TSPO: variants seen among roughly 807,000 people sequenced by gnomAD.
TSPO encodes translocator protein, also known as benzodiazepine peripheral binding site.
TSPO carries 14 observed loss-of-function variants against 13.9 expected under a neutral mutation model. The ratio of observed to expected loss-of-function variants is 1.01; its 90% CI spans 0.67 to 1.58. The LOEUF is 1.58. TSPO is among the 40% of genes most tolerant of loss of function. TSPO has a pLI of 0.00. For missense variants in TSPO, 232 were observed against 229.6 expected, an observed-to-expected ratio of 1.01 and a Z score of -0.07; for synonymous variants, 114 against 105.9, an observed-to-expected ratio of 1.08 and a Z score of -0.47.
At position 43,163,086 on chromosome 22, in the gene TSPO, A is replaced by G. The variant is rs1032722484; in HGVS notation, c.*95A>G. 7.2e-6 allele frequency: 11 copies of G among 1,536,392 alleles called. No individual in the cohort carries two copies. Among genetic ancestry groups the G allele is most frequent in the Non-Finnish European group, 9.6e-6 (11 of 1,140,866 alleles). On this transcript the variant is annotated 3_prime_UTR_variant, in exon 4 of 4. Coordinates refer to ENST00000337554, the MANE Select transcript of TSPO (RefSeq NM_000714.6). ...CGCTTTCATGACCACTGGGCCTGCTAGTCTGTCAGGGCCTTGGCCCAGGGG... is the reference window on the plus strand; with the variant it reads ...CGCTTTCATGACCACTGGGCCTGCTGGTCTGTCAGGGCCTTGGCCCAGGGG...
At position 43,155,680 on chromosome 22, in the gene TSPO, C is replaced by T. The variant is rs149583181; in HGVS notation, c.-29-3530C>T. On this transcript the variant is annotated intron_variant, in intron 1 of 3. Coordinates refer to ENST00000337554, the MANE Select transcript of TSPO (RefSeq NM_000714.6). ...CCAGCCCCCCAAGAAGCAGACACAG[C>T]GGGTTTACCCACCTGACGTTGGAGG... 1.4e-4 allele frequency among the ~76,000 whole-genome samples: 21 copies of T among 152,294 alleles called. 1 individual carries two copies. Among genetic ancestry groups the T allele is most frequent in the East Asian group, 9.7e-4 (5 of 5,172 alleles).
chr22:43,159,272 A>T lies in TSPO; in HGVS notation c.34A>T (p.Thr12Ser). The T allele has an allele frequency of 6.4e-7, 1 of 1,558,944 alleles. No individual in the cohort carries two copies. The highest frequency in any genetic ancestry group is 8.7e-7 in the Non-Finnish European group (1 of 1,152,130). ...GCCCTGGGTGCCCGCCATGGGCTTC[A>T]CGCTGGCGCCCAGCCTGGGGTGCTT... is the stretch of plus-strand genomic sequence containing the variant. Reference protein sequence around the residue: ...APPWVPAMGFTLAPSLGCFVG... With the variant: ...APPWVPAMGFSLAPSLGCFVG... Residue 12 changes from threonine (T) to serine (S), a missense_variant, in exon 2 of 4, where the codon ACG (threonine) becomes TCG (serine). Transcript: ENST00000337554.
At chr22:43,160,064 C>G (rs553285312) in intron 2 of TSPO, among the ~76,000 whole-genome samples, 2 of 152,176 alleles carry the variant, frequency 1.3e-5, no homozygotes, top group African/African-American at 4.8e-5. Context: ...AGGGTGGGGA[C>G]GCAGGTGCCA....
Position 43,163,237 on chromosome 22 carries a change from CCTTT to C in TSPO, c.*247_*250del, listed in dbSNP as rs1569481343. 4.8e-6 allele frequency: 6 copies of C among 1,253,860 alleles called. No homozygotes were observed. The highest frequency in any genetic ancestry group is 2.9e-4 in the Middle Eastern group (1 of 3,442). The allele number at this position is 1,253,860 out of a possible 1,614,324, so 77.7% of individuals were successfully genotyped here. A position where few individuals can be genotyped will look rare whatever the true frequency, so the allele number is the denominator to read the frequency against. On this transcript the variant is annotated 3_prime_UTR_variant, in exon 4 of 4. Transcript: ENST00000337554. Reference sequence around the variant, plus strand: ...ATAAGCTGAATAAAGTTTTTGACTTCCTTTACCATGGCCTTTTTGCTTGGGTGGG... The same window carrying C: ...ATAAGCTGAATAAAGTTTTTGACTTCACCATGGCCTTTTTGCTTGGGTGGG...
chr22:43,160,962 C>T (rs1601759287), intron 2 of TSPO, 90 bp from the exon 3 acceptor site: 1 of 1,470,172 alleles, frequency 6.8e-7, no homozygotes, highest in Non-Finnish European at 9.2e-7. Context: ...AGTGTCAGGT[C>T]ACGTATGAAC....
chr22:43,162,658 G>GAA (rs1204010381), intron 3 of TSPO, 145 bp from the exon 4 acceptor site: 1 of 762,856 alleles, frequency 1.3e-6, no homozygotes, highest in East Asian at 2.7e-5. Context: ...GATGGGGGAG[G>GAA]GGCTTGGCCA....
intron 3 of TSPO, 68 bp downstream of exon 3, chr22:43,161,258 T>C: frequency 1.3e-6 from 2 of 1,559,592 alleles, no homozygotes; most frequent in East Asian, 4.5e-5. Flanking sequence ...GGGCATCACA[T>C]ATGACACTGG....
At chr22:43,155,776 G>T (rs1931232177) in intron 1 of TSPO, among the ~76,000 whole-genome samples, 1 of 152,188 alleles carries the variant, frequency 6.6e-6, no homozygotes, top group South Asian at 2.1e-4. Context: ...CTTTCTGAAG[G>T]AGACAAATAA....
chr22:43,154,654 G>A (rs1931195563), intron 1 of TSPO, among the ~76,000 whole-genome samples: 2 of 152,186 alleles, frequency 1.3e-5, no homozygotes, highest in African/African-American at 4.8e-5. Context: ...CACCGTTCCT[G>A]GCCTTCTGGG....
chr22:43,153,806 C>T (rs1019714593), intron 1 of TSPO, among the ~76,000 whole-genome samples: 8 of 151,690 alleles, frequency 5.3e-5, no homozygotes, highest in South Asian at 2.1e-4. Context: ...TTTTTTGAGA[C>T]GGTGTCTCGC....
At chr22:43,153,597 C>T (rs1238330287) in intron 1 of TSPO, among the ~76,000 whole-genome samples, 2 of 92,196 alleles carry the variant, frequency 2.2e-5, no homozygotes, top group Non-Finnish European at 4.7e-5. Flanking sequence ...ATGATCCACC[C>T]GCCTCGGCCT....
At chr22:43,157,722 TGGGAGGC>T (rs1251038869) in intron 1 of TSPO, among the ~76,000 whole-genome samples, 1 of 151,984 alleles carries the variant, frequency 6.6e-6, no homozygotes, top group Admixed American at 6.6e-5. Flanking sequence ...CCCAGCTACT[TGGGAGGC>T]AGGAGGCTGA....
In TSPO at chr22:43,162,894, A is replaced by G. The variant is rs1246409414; in HGVS notation, c.413A>G (p.Tyr138Cys). The change falls in exon 4 of 4, where the codon TAC becomes TGC. Residue 138 changes from tyrosine (Y) to cysteine (C), a missense_variant. By Grantham distance (194) the Tyr-to-Cys change is radical. Transcript: ENST00000337554. ...AGCCCGCTGGCCGCCCGCCTGCTCT[A>G]CCCCTACCTGGCCTGGCTGGCCTTC... is the stretch of plus-strand genomic sequence containing the variant. ...QVSPLAARLL[Y>C]PYLAWLAFTT... 6.3e-7 allele frequency: 1 copy of G among 1,586,362 alleles called. No individual in the cohort carries two copies. Among genetic ancestry groups the G allele is most frequent in the Admixed American group, 1.8e-5 (1 of 55,956 alleles).
intron 1 of TSPO, among the ~76,000 whole-genome samples, chr22:43,154,201 A>T (rs969294397): frequency 1.3e-5 from 2 of 152,150 alleles, no homozygotes; most frequent in African/African-American, 2.4e-5. Context: ...AATCATTTTT[A>T]AAAAGCCTGA....
rs1280857829 is a variant in TSPO at position 43,159,735 on chromosome 22, G to A, written c.182+315G>A. The A allele has an allele frequency of 5.9e-5, 18 of 304,982 alleles. No individual in the cohort carries two copies. In the South Asian group the frequency reaches 1.3e-3, roughly 21 times the overall value. 18.9% of individuals were successfully genotyped at this position (304,982 alleles called of 1,614,324 possible). A position where few individuals can be genotyped will look rare whatever the true frequency, so the allele number is the denominator to read the frequency against. On this transcript the variant is annotated intron_variant, in intron 2 of 3. Transcript: ENST00000337554. ...AGGCATGGACGCTAAGATTAACAAC[G>A]GCAGCAACAGCCCCAAGAGCAGCTC...
In TSPO at chr22:43,161,048, T is replaced by C; in HGVS notation, c.183-4T>C. ...GGTGCTCTGAACTGCGGCCTCTGTT[T>C]CAGGTACGGCTCCTACCTGGTCTGG... On this transcript the variant is annotated splice_polypyrimidine_tract_variant and splice_region_variant and intron_variant, in intron 2 of 3. Transcript: ENST00000337554. 3 of 1,611,456 alleles carry C rather than the reference T, an allele frequency of 1.9e-6. No homozygotes were observed. Among genetic ancestry groups the C allele is most frequent in the Non-Finnish European group, 2.5e-6 (3 of 1,178,700 alleles).
intron 1 of TSPO, among the ~76,000 whole-genome samples, chr22:43,154,545 A>AT (rs1931191688): frequency 7.8e-6 from 1 of 127,700 alleles, no homozygotes; most frequent in Non-Finnish European, 1.7e-5. Flanking sequence ...TTTAGTAGAG[A>AT]CGGGGTCTCA....
chr22:43,157,605 A>G (rs1028400514), intron 1 of TSPO, among the ~76,000 whole-genome samples: 1 of 152,250 alleles, frequency 6.6e-6, no homozygotes, highest in South Asian at 2.1e-4. Context: ...TGAGGCAGGC[A>G]GATCAACTCA....
In TSPO at chr22:43,159,199, TTC is replaced by T. The variant is rs1429051724; in HGVS notation, c.-29-7_-29-6del. ...AGGAATGCCCTCACCCAGCCCTGTC[TTC>T]TCTTTCAGAGCTCCCCTGAACAGCA... On this transcript the variant is annotated splice_polypyrimidine_tract_variant and intron_variant, in intron 1 of 3. Transcript: ENST00000337554. 6.7e-7 allele frequency: 1 copy of T among 1,488,198 alleles called. No homozygotes were observed. Among genetic ancestry groups the T allele is most frequent in the Non-Finnish European group, 9.0e-7 (1 of 1,114,118 alleles). The allele number at this position is 1,488,198 out of a possible 1,614,324, so 92.2% of individuals were successfully genotyped here. A position where few individuals can be genotyped will look rare whatever the true frequency, so the allele number is the denominator to read the frequency against.
Sources: gnomAD v4.1 joint callset for allele counts (sites outside exome capture counted in the v4.1 genomes callset) on GRCh38, gnomAD v4.1.1 for gene constraint, MANE v1.5 for transcripts, NCBI Gene and HGNC (gene_info 2026-07-23, HGNC 2026-07-21) for gene names.